SLC38A9: variants seen among roughly 807,000 people sequenced by gnomAD.
SLC38A9 encodes solute carrier family 38 member 9, also known as neutral amino acid transporter 9.
SLC38A9 carries 48 observed loss-of-function variants against 62.3 expected under a neutral mutation model. That is an observed-to-expected ratio of 0.77 (90% CI 0.61 to 0.98). The LOEUF is 0.98. Ranked by LOEUF, SLC38A9 falls within the 50% of genes least tolerant of loss-of-function variation. The pLI is 0.00. For synonymous variants in SLC38A9, 204 were observed against 227.7 expected, an observed-to-expected ratio of 0.90 and a Z score of 0.94; for missense variants, 541 against 679.8, an observed-to-expected ratio of 0.80 and a Z score of 2.27.
intron 12 of SLC38A9, among the ~76,000 whole-genome samples, chr5:55,637,489 G>C (rs1744624316): frequency 6.6e-6 from 1 of 152,190 alleles, no homozygotes; most frequent in African/African-American, 2.4e-5. Flanking sequence ...AATGTCCCTT[G>C]ACATCCCTAA....
At chr5:55,691,554 C>G (rs1292517727) in intron 3 of SLC38A9, among the ~76,000 whole-genome samples, 2 of 152,216 alleles carry the variant, frequency 1.3e-5, no homozygotes, top group African/African-American at 4.8e-5. Context: ...GGATGGGCAA[C>G]TTCCCCAGGG....
intron 2 of SLC38A9, among the ~76,000 whole-genome samples, chr5:55,707,125 T>C (rs932424379): frequency 1.3e-5 from 2 of 151,896 alleles, no homozygotes; most frequent in African/African-American, 4.8e-5. Context: ...TCAAGTAATC[T>C]TCTTGCCTCA....
intron 12 of SLC38A9, among the ~76,000 whole-genome samples, chr5:55,636,563 ATAAACT>A (rs568789130): frequency 2.6e-4 from 39 of 152,378 alleles, no homozygotes; most frequent in South Asian, 2.1e-4. Context: ...TTAGAAAAAA[ATAAACT>A]TAAAAACATT....
At chr5:55,656,027 T>C (rs1748354571) in intron 9 of SLC38A9, among the ~76,000 whole-genome samples, 2 of 152,118 alleles carry the variant, frequency 1.3e-5, no homozygotes, top group South Asian at 2.1e-4. Flanking sequence ...ACAATAGATC[T>C]CTAAAACTAA....
chr5:55,692,176 G>GA (rs1310066440), intron 3 of SLC38A9, among the ~76,000 whole-genome samples: 2 of 152,070 alleles, frequency 1.3e-5, no homozygotes, highest in East Asian at 3.8e-4. Flanking sequence ...ATGCGTATTA[G>GA]AAAAAAAGCA....
intron 3 of SLC38A9, among the ~76,000 whole-genome samples, chr5:55,675,776 T>C (rs1218102210): frequency 6.6e-6 from 1 of 152,222 alleles, no homozygotes; most frequent in Non-Finnish European, 1.5e-5. Context: ...TTTCATTTAA[T>C]ACATGTATAA....
chr5:55,677,925 A>AG (rs1163950532), intron 3 of SLC38A9, among the ~76,000 whole-genome samples: 6,651 of 26,364 alleles, frequency 0.25, 392 homozygotes, highest in South Asian at 0.34. Context: ...TTTTTTCTTT[A>AG]TTGTGTGTGT....
rs555511066 is a variant in SLC38A9, at chr5:55,629,577, C to T, written c.1431-1597G>A. 2.0e-5 allele frequency among the ~76,000 whole-genome samples: 3 copies of T among 152,136 alleles called. No individual in the cohort carries two copies. The South Asian group carries it at 6.2e-4, about 31-fold the overall frequency. On this transcript the variant is annotated intron_variant, in intron 14 of 15. Coordinates refer to ENST00000396865, the MANE Select transcript of SLC38A9 (RefSeq NM_173514.4). Reference sequence around the variant, plus strand: ...ACGCTGGAAGTCTTGAGGAAAAGTACCTGTGTGGCTGAGCTGAAGGGGACC... The same window carrying T: ...ACGCTGGAAGTCTTGAGGAAAAGTATCTGTGTGGCTGAGCTGAAGGGGACC...
In SLC38A9 at chr5:55,672,625, A is replaced by G; in HGVS notation, c.184T>C (p.Ser62Pro). ...HVIQRVSDHA[S>P]AMNKRIHYYS... Reference sequence around the variant, plus strand: ...TAATGAATTCTCTTGTTCATGGCAGAGGCATGGTCACTAACCCTCTGAATG... The same window carrying G: ...TAATGAATTCTCTTGTTCATGGCAGGGGCATGGTCACTAACCCTCTGAATG... The change falls in exon 4 of 16, where the codon TCT (serine) becomes CCT (proline). Residue 62 changes from serine to proline, a missense_variant. Coordinates refer to ENST00000396865, the MANE Select transcript of SLC38A9 (RefSeq NM_173514.4). 6.2e-7 allele frequency: 1 copy of G among 1,614,166 alleles called. No individual in the cohort carries two copies. Among genetic ancestry groups the G allele is most frequent in the Non-Finnish European group, 8.5e-7 (1 of 1,180,022 alleles).
At chr5:55,672,235 T>C (rs1249191316) in intron 4 of SLC38A9, among the ~76,000 whole-genome samples, 4 of 152,128 alleles carry the variant, frequency 2.6e-5, no homozygotes, top group Non-Finnish European at 4.4e-5. Flanking sequence ...AAGCAGAACA[T>C]GTTATTATTT....
chr5:55,711,067 C>A (rs941691529), intron 2 of SLC38A9, among the ~76,000 whole-genome samples: 1 of 151,742 alleles, frequency 6.6e-6, no homozygotes, highest in African/African-American at 2.4e-5. Flanking sequence ...CCAAGGCAGG[C>A]GGATCACTTG....
intron 10 of SLC38A9, 56 bp downstream of exon 10, chr5:55,652,473 G>T: frequency 9.1e-7 from 1 of 1,097,824 alleles, no homozygotes; most frequent in Non-Finnish European, 1.2e-6. Flanking sequence ...TATTTCCCTA[G>T]ACTCCACCAC....
chr5:55,626,499 TAAA>T lies in SLC38A9; in HGVS notation c.1678_1680del (p.Phe560del). The T allele has an allele frequency of 6.2e-7, 1 of 1,610,454 alleles. No individual in the cohort carries two copies. The highest frequency in any genetic ancestry group is 1.1e-5 in the South Asian group (1 of 90,686). On this transcript the variant is annotated inframe_deletion, in exon 16 of 16. Transcript: ENST00000396865. ...AAAAAAACAGTTGAGGTATTTCACA[TAAA>T]AAACTGAACAATCAGGTTAGCCACG...
intron 11 of SLC38A9, among the ~76,000 whole-genome samples, chr5:55,647,345 A>C (rs1746561844): frequency 6.6e-6 from 1 of 152,170 alleles, no homozygotes; most frequent in South Asian, 2.1e-4. Context: ...AAATGATTTT[A>C]TGTAGAATAA....
intron 3 of SLC38A9, among the ~76,000 whole-genome samples, chr5:55,682,983 G>C (rs1239570111): frequency 6.6e-6 from 1 of 151,668 alleles, no homozygotes; most frequent in Non-Finnish European, 1.5e-5. Flanking sequence ...GAGGAAAAGA[G>C]GGAGGGAGGG....
intron 9 of SLC38A9, 47 bp from the exon 10 acceptor site, chr5:55,652,770 C>G (rs75591705): frequency 6.7e-7 from 1 of 1,497,082 alleles, no homozygotes; most frequent in Admixed American, 2.0e-5. Context: ...AAAAACAAAA[C>G]AAAACAAAAC....
In SLC38A9 at chr5:55,635,623, G is replaced by T; in HGVS notation, c.1202C>A (p.Thr401Lys). The T allele has an allele frequency of 6.2e-7, 1 of 1,613,808 alleles. No individual in the cohort carries two copies. Among genetic ancestry groups the T allele is most frequent in the Non-Finnish European group, 8.5e-7 (1 of 1,179,800 alleles). ...RDLCIAYMLV[T>K]LTYLYIGVLV... ...GACTCCAATATAGAGATAAGTTAAT[G>T]TCACCAGCATATAAGCAATGCACAA... Residue 401 changes from threonine (T) to lysine (K), a missense_variant, in exon 13 of 16, where the codon ACA (threonine) becomes AAA (lysine). Coordinates refer to ENST00000396865, the MANE Select transcript of SLC38A9 (RefSeq NM_173514.4).
intron 8 of SLC38A9, chr5:55,657,897 C>T (rs1561352982): frequency 6.6e-6 from 1 of 152,138 alleles, no homozygotes; most frequent in Non-Finnish European, 1.5e-5. Flanking sequence ...TTTATAATAT[C>T]TCCAAAGGTT....
At chr5:55,650,495 T>C (rs1401845513) in intron 10 of SLC38A9, among the ~76,000 whole-genome samples, 1 of 152,216 alleles carries the variant, frequency 6.6e-6, no homozygotes, top group Non-Finnish European at 1.5e-5. Flanking sequence ...AATCCTTCTA[T>C]AAGTTTATAT....
Sources: gnomAD v4.1 joint callset for allele counts (sites outside exome capture counted in the v4.1 genomes callset) on GRCh38, gnomAD v4.1.1 for gene constraint, MANE v1.5 for transcripts, NCBI Gene and HGNC (gene_info 2026-07-23, HGNC 2026-07-21) for gene names.